The following DPP6 variants were observed in gnomAD, a reference collection of about 807,000 sequenced individuals.
DPP6 encodes dipeptidyl peptidase like 6, also known as A-type potassium channel modulatory protein DPP6.
A neutral mutation model predicts 122.6 loss-of-function variants in DPP6; 69 were observed. The observed-to-expected ratio is 0.56, with a 90% CI of 0.46 to 0.69. The LOEUF is 0.69. Ranked by LOEUF, DPP6 falls within the 30% of genes least tolerant of loss-of-function variation. DPP6 has a pLI of 0.00. For synonymous variants in DPP6, 418 were observed against 433.1 expected (o/e 0.97, Z 0.43); for missense variants, 928 against 1,116.9 (o/e 0.83, Z 2.41).
intron 5 of DPP6, among the ~76,000 whole-genome samples, chr7:154,623,573 A>ACG (rs1834844226): frequency 1.6e-5 from 1 of 63,168 alleles, no homozygotes; most frequent in Non-Finnish European, 3.9e-5. Flanking sequence ...ACGCACACAC[A>ACG]CACGCACGCA....
chr7:154,778,073 C>A (rs111463357), intron 10 of DPP6, among the ~76,000 whole-genome samples: 2 of 152,122 alleles, frequency 1.3e-5, no homozygotes, highest in Non-Finnish European at 2.9e-5. Context: ...GCACTTATGT[C>A]GAATGCTTAG....
chr7:154,851,731 G>A (rs1802398266), intron 16 of DPP6, among the ~76,000 whole-genome samples: 1 of 152,140 alleles, frequency 6.6e-6, no homozygotes, highest in African/African-American at 2.4e-5. Flanking sequence ...TTTTTTTGTA[G>A]TATGTCCCAA....
At chr7:154,693,161 A>C (rs906677329) in intron 7 of DPP6, among the ~76,000 whole-genome samples, 1 of 152,018 alleles carries the variant, frequency 6.6e-6, no homozygotes, top group Admixed American at 6.6e-5. Flanking sequence ...AAAGAGTGGT[A>C]ATTTGGCTCC....
chr7:153,989,593 C>G (rs1160843616), intron 1 of DPP6, among the ~76,000 whole-genome samples: 2 of 151,932 alleles, frequency 1.3e-5, no homozygotes, highest in African/African-American at 2.4e-5. Flanking sequence ...CAGCTGCGGT[C>G]CAGGGAGGAA....
chr7:154,668,836 A>G (rs1160538779), intron 6 of DPP6, among the ~76,000 whole-genome samples: 1 of 152,126 alleles, frequency 6.6e-6, no homozygotes, highest in Non-Finnish European at 1.5e-5. Context: ...AGGAGGTTTG[A>G]AAGGAAATAC....
At chr7:153,845,491 T>C in the DPP6 span, among the ~76,000 whole-genome samples, 1 of 152,010 alleles carries the variant, frequency 6.6e-6, no homozygotes, top group Admixed American at 6.5e-5. Context: ...TCTCTTATAT[T>C]TTAGATATGC....
chr7:153,857,514 A>C, the DPP6 span, among the ~76,000 whole-genome samples: 1 of 152,204 alleles, frequency 6.6e-6, no homozygotes, highest in African/African-American at 2.4e-5. Flanking sequence ...GCTTTCTGGC[A>C]TGTGACTTAG....
intron 8 of DPP6, among the ~76,000 whole-genome samples, chr7:154,734,715 A>C (rs1842495989): frequency 6.6e-6 from 1 of 152,228 alleles, no homozygotes; most frequent in Non-Finnish European, 1.5e-5. Context: ...GTGGAAGAGC[A>C]GGGCAGAGTC....
chr7:154,386,420 G>A (rs2151155195), intron 1 of DPP6, among the ~76,000 whole-genome samples: 1 of 152,138 alleles, frequency 6.6e-6, no homozygotes, highest in East Asian at 1.9e-4. Flanking sequence ...TGCTTGAAGG[G>A]AAAGGATTTG....
chr7:154,425,617 T>G (rs75973973), intron 1 of DPP6, among the ~76,000 whole-genome samples: 16,738 of 121,724 alleles, frequency 0.14, 1,937 homozygotes, highest in African/African-American at 0.39. Context: ...TGTGTGTGTG[T>G]GTGGGTGTGT....
intron 4 of DPP6, among the ~76,000 whole-genome samples, chr7:154,559,701 G>T (rs1185091805): frequency 6.6e-6 from 1 of 151,930 alleles, no homozygotes; most frequent in Non-Finnish European, 1.5e-5. Context: ...CATTTAAAGT[G>T]CTGGGAGGCA....
rs1239669281 is a variant in DPP6 at position 154,632,521 on chromosome 7, A to T, written c.628-5300A>T. On this transcript the variant is annotated intron_variant, in intron 5 of 25. Transcript: ENST00000377770. Reference sequence around the variant, plus strand: ...GTGCATGATGGAGCTACCAACTGAGATAGGGATTATCAAAAGGGAGCAAGG... The same window carrying T: ...GTGCATGATGGAGCTACCAACTGAGTTAGGGATTATCAAAAGGGAGCAAGG... 4.6e-5 allele frequency among the ~76,000 whole-genome samples: 7 copies of T among 152,286 alleles called. No individual in the cohort carries two copies. The East Asian group carries it at 1.4e-3, about 29-fold the overall frequency.
At chr7:154,260,291 A>T (rs958317482) in intron 1 of DPP6, among the ~76,000 whole-genome samples, 8 of 152,160 alleles carry the variant, frequency 5.3e-5, no homozygotes, top group Non-Finnish European at 7.3e-5. Context: ...TTCACTTTTT[A>T]AAAAATTATT....
intron 3 of DPP6, among the ~76,000 whole-genome samples, chr7:154,485,394 G>A (rs762612682): frequency 5.3e-5 from 8 of 152,022 alleles, no homozygotes; most frequent in South Asian, 2.1e-4. Flanking sequence ...GCTCAAGGTC[G>A]CACCTTTCCT....
chr7:154,419,927 G>GTGTGGAAACAATGTAAACGTCCATTGAAA (rs1488573408), intron 1 of DPP6, among the ~76,000 whole-genome samples: 8 of 152,180 alleles, frequency 5.3e-5, no homozygotes, highest in Middle Eastern at 3.2e-3. Flanking sequence ...GGCAGCCGAG[G>GTGTGGAAACAATGTAAACGTCCATTGAAA]TGTGGAAACA....
intron 12 of DPP6, among the ~76,000 whole-genome samples, chr7:154,798,347 C>T (rs1798165390): frequency 1.3e-5 from 2 of 152,164 alleles, no homozygotes; most frequent in African/African-American, 4.8e-5. Flanking sequence ...CATATGAGAA[C>T]AGCTACTAAA....
In DPP6 at chr7:154,893,239, AG is replaced by A. The variant is rs1420598453; in HGVS notation, c.*761del. 1 of 274,580 alleles carries A rather than the reference AG, an allele frequency of 3.6e-6. No homozygotes were observed. The highest frequency in any genetic ancestry group is 2.3e-5 in the African/African-American group (1 of 44,192). The allele number at this position is 274,580 out of a possible 1,614,324, so 17.0% of individuals were successfully genotyped here. A position where few individuals can be genotyped will look rare whatever the true frequency, so the allele number is the denominator to read the frequency against. Reference sequence around the variant, plus strand: ...ATCGGAAGTAACTGCTCCCTCCTCAAGGTTGTCTTCAGACGTCTTGGGGACG... The same window carrying A: ...ATCGGAAGTAACTGCTCCCTCCTCAAGTTGTCTTCAGACGTCTTGGGGACG... On this transcript the variant is annotated 3_prime_UTR_variant, in exon 26 of 26. Transcript: ENST00000377770.
intron 3 of DPP6, among the ~76,000 whole-genome samples, chr7:154,493,591 G>C (rs1824475143): frequency 6.6e-6 from 1 of 152,126 alleles, no homozygotes; most frequent in Non-Finnish European, 1.5e-5. Flanking sequence ...ATTGTATGAT[G>C]ATGGTCATCT....
rs185331458 is a variant in DPP6, at chr7:154,399,053, T to G, written c.244-47161T>G. 1.3e-4 allele frequency among the ~76,000 whole-genome samples: 20 copies of G among 152,288 alleles called. No individual in the cohort carries two copies. The East Asian group carries it at 3.9e-3, about 29-fold the overall frequency. ...AGCTGTGTTAATAATTCACAATGAA[T>G]AGCATATTTAAAACGTCAACCCAGT... is the stretch of plus-strand genomic sequence containing the variant. On this transcript the variant is annotated intron_variant, in intron 1 of 25. Coordinates refer to ENST00000377770, the MANE Select transcript of DPP6 (RefSeq NM_130797.4).
Sources: allele counts gnomAD v4.1 joint callset (sites outside exome capture counted in the v4.1 genomes callset), GRCh38; gene constraint gnomAD v4.1.1; transcripts MANE v1.5; gene names NCBI Gene and HGNC (gene_info 2026-07-23, HGNC 2026-07-21).